The following SLC4A4 variants were observed in gnomAD, a reference collection of about 807,000 sequenced individuals.
SLC4A4 encodes electrogenic sodium bicarbonate cotransporter 1.
Under a neutral mutation model 111.5 loss-of-function variants are expected in SLC4A4, and 27 were observed. The ratio of observed to expected loss-of-function variants is 0.24; its 90% CI spans 0.18 to 0.33. The LOEUF (loss-of-function observed/expected upper bound fraction) is 0.33, where lower values mean the gene tolerates loss of function less well. SLC4A4 is among the 10% of genes least tolerant of loss of function. The pLI, the probability that SLC4A4 is intolerant of heterozygous loss-of-function variation, is 1.00. For missense variants in SLC4A4, 909 were observed against 1,315.5 expected (o/e 0.69, Z 4.78); for synonymous variants, 443 against 463.4 (o/e 0.96, Z 0.57).
chr4:71,488,954 T>C (rs991970097), intron 15 of SLC4A4, among the ~76,000 whole-genome samples: 2 of 150,982 alleles, frequency 1.3e-5, no homozygotes, highest in African/African-American at 4.9e-5. Flanking sequence ...TTTTATTTTA[T>C]CCTTCATTTC....
At chr4:71,364,694 A>T (rs1021257948) in intron 6 of SLC4A4, among the ~76,000 whole-genome samples, 1 of 152,160 alleles carries the variant, frequency 6.6e-6, no homozygotes, top group African/African-American at 2.4e-5. Flanking sequence ...ATACTATTGC[A>T]TTGGAGATTA....
intron 1 of SLC4A4, among the ~76,000 whole-genome samples, chr4:71,222,920 G>T (rs1471908782): frequency 6.6e-6 from 1 of 152,184 alleles, no homozygotes. Flanking sequence ...CCATGTAGTG[G>T]GTTTGTGCTT....
At chr4:71,190,962 T>G (rs1331539455) in intron 1 of SLC4A4, among the ~76,000 whole-genome samples, 1 of 152,256 alleles carries the variant, frequency 6.6e-6, no homozygotes, top group Non-Finnish European at 1.5e-5. Context: ...GCATTCACAT[T>G]CAGTAGGATC....
chr4:71,512,237 A>G (rs1015187640), intron 16 of SLC4A4, among the ~76,000 whole-genome samples: 7 of 152,066 alleles, frequency 4.6e-5, no homozygotes, highest in South Asian at 2.1e-4. Context: ...ACCACAGTCT[A>G]CCAACCATAT....
At chr4:71,341,169 A>C (rs1728873720) in intron 4 of SLC4A4, among the ~76,000 whole-genome samples, 1 of 152,170 alleles carries the variant, frequency 6.6e-6, no homozygotes, top group Admixed American at 6.5e-5. Context: ...TATTTGAATG[A>C]ATAGTTTATG....
chr4:71,485,572 C>T (rs1045504836), intron 14 of SLC4A4, among the ~76,000 whole-genome samples: 3 of 94,918 alleles, frequency 3.2e-5, no homozygotes, highest in African/African-American at 5.4e-5. Flanking sequence ...AATAAGAACA[C>T]AGATAATAAT....
chr4:71,537,715 T>G lies in SLC4A4; in HGVS notation c.2442+3327T>G, dbSNP rs1734681368. Among the ~76,000 whole-genome samples, 4 of 152,020 alleles carry G rather than the reference T, an allele frequency of 2.6e-5. No homozygotes were observed. In the South Asian group the frequency reaches 8.3e-4, roughly 31 times the overall value. The stretch of plus-strand genomic sequence containing the variant: ...TCTTTCTCTGTGGGGTATTTTTTTT[T>G]TGATTGGCCAACTGAGTATGCCATG... On this transcript the variant is annotated intron_variant, in intron 18 of 25. Transcript: ENST00000264485.
chr4:71,478,285 C>T (rs913126705), intron 14 of SLC4A4, among the ~76,000 whole-genome samples: 11 of 151,608 alleles, frequency 7.3e-5, no homozygotes, highest in East Asian at 2.0e-4. Context: ...GATTATAAAT[C>T]GTTCTGTAAG....
At chr4:71,293,764 C>G (rs1045936732) in intron 3 of SLC4A4, among the ~76,000 whole-genome samples, 1 of 152,112 alleles carries the variant, frequency 6.6e-6, no homozygotes, top group Non-Finnish European at 1.5e-5. Flanking sequence ...TCTTTTAGAA[C>G]TTAAGTTTGG....
chr4:71,545,875 T>C (rs930313109), intron 18 of SLC4A4, among the ~76,000 whole-genome samples: 1 of 152,030 alleles, frequency 6.6e-6, no homozygotes, highest in Non-Finnish European at 1.5e-5. Context: ...TTATTATGTT[T>C]ATCTTAACAA....
At chr4:71,118,288 A>G (rs1743326540) in intron 2 of SLC4A4, among the ~76,000 whole-genome samples, 1 of 152,212 alleles carries the variant, frequency 6.6e-6, no homozygotes, top group East Asian at 1.9e-4. Context: ...AAATTCCAAC[A>G]TAAGTATTTA....
chr4:71,109,345 G>A (rs945675748), intron 2 of SLC4A4, among the ~76,000 whole-genome samples: 1 of 151,996 alleles, frequency 6.6e-6, no homozygotes, highest in Non-Finnish European at 1.5e-5. Flanking sequence ...AAAAACGAAG[G>A]GGGGAAAATG....
At chr4:71,546,099 A>G (rs1340336104) in intron 18 of SLC4A4, among the ~76,000 whole-genome samples, 1 of 152,082 alleles carries the variant, frequency 6.6e-6, no homozygotes, top group Non-Finnish European at 1.5e-5. Context: ...TGTATCTTTG[A>G]CTTAAGTCTT....
At chr4:71,320,288 C>G (rs1277846242) in intron 3 of SLC4A4, among the ~76,000 whole-genome samples, 1 of 152,010 alleles carries the variant, frequency 6.6e-6, no homozygotes, top group African/African-American at 2.4e-5. Flanking sequence ...CTTACCCTAG[C>G]TTTTCAGTCT....
chr4:71,099,855 G>A (rs1040813374), intron 2 of SLC4A4, among the ~76,000 whole-genome samples: 1 of 152,172 alleles, frequency 6.6e-6, no homozygotes, highest in African/African-American at 2.4e-5. Flanking sequence ...AAACCTAGAA[G>A]AGATGGATAA....
chr4:71,453,354 T>G, intron 11 of SLC4A4, 141 bp from the exon 12 acceptor site: 1 of 853,454 alleles, frequency 1.2e-6, no homozygotes, highest in Non-Finnish European at 1.9e-6. Context: ...TTTTCTGGTT[T>G]CATCGTAAGT....
At chr4:71,501,765 G>A (rs1443282548) in intron 16 of SLC4A4, among the ~76,000 whole-genome samples, 5 of 151,818 alleles carry the variant, frequency 3.3e-5, no homozygotes, top group African/African-American at 7.2e-5. Flanking sequence ...TGGTTCAAGC[G>A]ATTCTCCTGC....
intron 2 of SLC4A4, among the ~76,000 whole-genome samples, chr4:71,249,090 C>T (rs1381295922): frequency 1.3e-5 from 2 of 152,196 alleles, no homozygotes; most frequent in East Asian, 1.9e-4. Flanking sequence ...TCTTATCAGT[C>T]TTGCTTGGGG....
At chr4:71,245,416 G>A (rs1720583696) in intron 2 of SLC4A4, among the ~76,000 whole-genome samples, 2 of 152,118 alleles carry the variant, frequency 1.3e-5, no homozygotes, top group South Asian at 4.1e-4. Context: ...ATTCAACTGA[G>A]AGATGATTTT....
Sources: gnomAD v4.1 joint callset for allele counts (sites outside exome capture counted in the v4.1 genomes callset) on GRCh38, gnomAD v4.1.1 for gene constraint, MANE v1.5 for transcripts, NCBI Gene and HGNC (gene_info 2026-07-23, HGNC 2026-07-21) for gene names.